Variants in PPP2R3A observed in about 807,000 individuals in gnomAD.
PPP2R3A encodes protein phosphatase 2 regulatory subunit B''alpha.
A neutral mutation model predicts 106.9 loss-of-function variants in PPP2R3A; 80 were observed. The ratio of observed to expected loss-of-function variants is 0.75; its 90% CI spans 0.62 to 0.90. The LOEUF (loss-of-function observed/expected upper bound fraction) is 0.90. Among genes scored for constraint, PPP2R3A ranks in the 40% least tolerant of loss-of-function variants. PPP2R3A has a pLI of 0.00. For synonymous variants in PPP2R3A, 483 were observed against 468.3 expected, an observed-to-expected ratio of 1.03 and a Z score of -0.41; for missense variants, 1,386 against 1,350.4, an observed-to-expected ratio of 1.03 and a Z score of -0.41.
chr3:136,054,575 G>A (rs935682022), intron 5 of PPP2R3A, among the ~76,000 whole-genome samples: 1 of 152,036 alleles, frequency 6.6e-6, no homozygotes, highest in Non-Finnish European at 1.5e-5. Context: ...AATTCTTAAC[G>A]CTATTCTATG....
At chr3:136,103,018 A>C (rs1033201250) in intron 11 of PPP2R3A, among the ~76,000 whole-genome samples, 1 of 152,146 alleles carries the variant, frequency 6.6e-6, no homozygotes, top group Admixed American at 6.6e-5. Context: ...AAGCCACTGA[A>C]TTATGCACTT....
At chr3:136,029,817 C>G (rs572782796) in intron 3 of PPP2R3A, among the ~76,000 whole-genome samples, 3 of 152,294 alleles carry the variant, frequency 2.0e-5, no homozygotes, top group Admixed American at 1.3e-4. Flanking sequence ...GGGCACCAAG[C>G]CTTTTTGTTC....
chr3:136,108,484 G>C (rs1937550050), intron 13 of PPP2R3A, among the ~76,000 whole-genome samples: 1 of 151,954 alleles, frequency 6.6e-6, no homozygotes, highest in South Asian at 2.1e-4. Flanking sequence ...AAAGCAAATG[G>C]GATCTTATTT....
chr3:136,147,661 A>G lies in PPP2R3A; in HGVS notation c.*2495A>G, dbSNP rs908400989. On this transcript the variant is annotated 3_prime_UTR_variant, in exon 14 of 14. Transcript: ENST00000264977. ...TGAGGGTTATCATGACCTTAATGCT[A>G]ATTCAATGAGAAATGAGTTTAATAG... 1 of 152,526 alleles carries G rather than the reference A, an allele frequency of 6.6e-6. No individual in the cohort carries two copies. Among genetic ancestry groups the G allele is most frequent in the East Asian group, 1.9e-4 (1 of 5,198 alleles). 9.4% of individuals were successfully genotyped at this position (152,526 alleles called of 1,614,324 possible).
At chr3:136,066,868 C>A (rs939674755) in intron 5 of PPP2R3A, among the ~76,000 whole-genome samples, 4 of 152,020 alleles carry the variant, frequency 2.6e-5, no homozygotes, top group Admixed American at 6.6e-5. Context: ...GGAAATAGAT[C>A]CAAACCATAT....
At chr3:136,098,027 C>G (rs1937256506) in intron 10 of PPP2R3A, among the ~76,000 whole-genome samples, 2 of 152,206 alleles carry the variant, frequency 1.3e-5, no homozygotes. Flanking sequence ...TCATTAGGTT[C>G]AATGAATGTC....
In PPP2R3A at chr3:136,087,901, T is replaced by C. The variant is rs781606041; in HGVS notation, c.2807T>C (p.Ile936Thr). Residue 936 changes from isoleucine to threonine, a missense_variant, in exon 9 of 14, where the codon ATT (isoleucine) becomes ACT (threonine). Ile to Thr is a moderately conservative substitution (Grantham distance 89). Coordinates refer to ENST00000264977, the MANE Select transcript of PPP2R3A (RefSeq NM_002718.5). ...YNDQASSSRI[I>T]ERIFSGAVTR... ...CATTTAGCTTCATCAAGCAGGATTA[T>C]TGAAAGGATATTCTCTGGTGCAGTA... is the stretch of plus-strand genomic sequence containing the variant. 15 of 1,611,072 alleles carry C rather than the reference T, an allele frequency of 9.3e-6. No individual in the cohort carries two copies. The highest frequency in any genetic ancestry group is 1.3e-5 in the Non-Finnish European group (15 of 1,177,796).
intron 4 of PPP2R3A, among the ~76,000 whole-genome samples, chr3:136,041,800 G>A (rs1194914717): frequency 1.3e-5 from 2 of 152,132 alleles, no homozygotes; most frequent in Non-Finnish European, 2.9e-5. Flanking sequence ...AGCTTTTCCT[G>A]GATTCTAACA....
intron 2 of PPP2R3A, among the ~76,000 whole-genome samples, chr3:136,013,804 T>A (rs894773156): frequency 1.5e-4 from 15 of 101,528 alleles, no homozygotes; most frequent in African/African-American, 4.8e-4. Flanking sequence ...CACGCTGTGG[T>A]TTGTTATTTC....
intron 5 of PPP2R3A, among the ~76,000 whole-genome samples, chr3:136,057,847 T>C (rs1264069843): frequency 6.6e-6 from 1 of 152,106 alleles, no homozygotes; most frequent in African/African-American, 2.4e-5. Flanking sequence ...ACACTGATGG[T>C]GAGAATGTAA....
At chr3:136,091,771 AAATTTTAATACCAGT>A (rs1471610492) in intron 10 of PPP2R3A, among the ~76,000 whole-genome samples, 8 of 152,254 alleles carry the variant, frequency 5.3e-5, no homozygotes, top group Non-Finnish European at 1.0e-4. Flanking sequence ...GAAGAAAAAT[AAATTTTAATACCAGT>A]AATTTTAATA....
In PPP2R3A at chr3:136,146,043, A is replaced by AGAT. The variant is rs1305064765; in HGVS notation, c.*878_*880dup. The AGAT allele has an allele frequency of 6.6e-6, 1 of 152,212 alleles. No individual in the cohort carries two copies. The highest frequency in any genetic ancestry group is 1.5e-5 in the Non-Finnish European group (1 of 68,042). The allele number at this position is 152,212 out of a possible 1,614,324, so 9.4% of individuals were successfully genotyped here. On this transcript the variant is annotated 3_prime_UTR_variant, in exon 14 of 14. Transcript: ENST00000264977. ...TGATACATTAAAATTCTTACTAGAT[A>AGAT]GATATATTCCTTCCTCCCAGGAGTA...
Position 136,055,414 on chromosome 3 carries a change from C to G in PPP2R3A, c.2469+6053C>G, listed in dbSNP as rs999374667. On this transcript the variant is annotated intron_variant, in intron 5 of 13. Transcript: ENST00000264977. ...TGACCCTCTTATCCCCTGTTGCTCT[C>G]CGAGGTGCCATAATGCAAATGCTTA... 11 of 1,018,116 alleles carry G rather than the reference C, an allele frequency of 1.1e-5. No individual in the cohort carries two copies. The Admixed American group carries it at 1.5e-4, about 14-fold the overall frequency. The allele number at this position is 1,018,116 out of a possible 1,614,324, so 63.1% of individuals were successfully genotyped here.
chr3:136,000,444 A>C (rs1174441320), intron 1 of PPP2R3A, among the ~76,000 whole-genome samples: 2 of 152,212 alleles, frequency 1.3e-5, no homozygotes, highest in Non-Finnish European at 2.9e-5. Context: ...AGAGAGAGAG[A>C]TATCCACATG....
At chr3:136,139,691 C>CA (rs778189558) in intron 13 of PPP2R3A, among the ~76,000 whole-genome samples, 1,623 of 54,448 alleles carry the variant, frequency 0.03, 25 homozygotes, top group Non-Finnish European at 0.046. Flanking sequence ...GACTCCATCT[C>CA]AAAAAAAAAA....
At chr3:136,088,768 T>G (rs1004135011) in intron 9 of PPP2R3A, among the ~76,000 whole-genome samples, 5 of 152,164 alleles carry the variant, frequency 3.3e-5, no homozygotes, top group African/African-American at 1.2e-4. Flanking sequence ...CATTTTGACG[T>G]TTTAGTAGTT....
chr3:136,117,492 A>T (rs910059947), intron 13 of PPP2R3A, among the ~76,000 whole-genome samples: 1 of 152,040 alleles, frequency 6.6e-6, no homozygotes, highest in African/African-American at 2.4e-5. Context: ...CCAGACTAAT[A>T]AAGAAGAAAA....
chr3:135,986,648 G>A (rs1029963737), intron 1 of PPP2R3A, among the ~76,000 whole-genome samples: 1 of 152,018 alleles, frequency 6.6e-6, no homozygotes, highest in African/African-American at 2.4e-5. Context: ...CCAAGAAACT[G>A]AGTCAGGAAG....
At chr3:136,035,250 A>G (rs1935046884) in intron 3 of PPP2R3A, among the ~76,000 whole-genome samples, 1 of 152,204 alleles carries the variant, frequency 6.6e-6, no homozygotes, top group Admixed American at 6.5e-5. Context: ...CATTCCATTC[A>G]TCATGCTATT....
Sources: allele counts gnomAD v4.1 joint callset (sites outside exome capture counted in the v4.1 genomes callset), GRCh38; gene constraint gnomAD v4.1.1; transcripts MANE v1.5; gene names NCBI Gene and HGNC (gene_info 2026-07-23, HGNC 2026-07-21).